Variants in CDK13 observed in about 807,000 individuals in gnomAD.
The protein encoded by CDK13 is cyclin dependent kinase 13.
In CDK13, 40 loss-of-function variants were observed where a neutral mutation model predicts 137.6. The observed-to-expected ratio is 0.29, with a 90% CI of 0.23 to 0.38. The LOEUF (loss-of-function observed/expected upper bound fraction) is 0.38, where lower values mean the gene tolerates loss of function less well. Among genes scored for constraint, CDK13 ranks in the 10% least tolerant of loss-of-function variants. The pLI, the probability that CDK13 is intolerant of heterozygous loss-of-function variation, is 1.00. For missense variants in CDK13, 1,704 were observed against 1,951.8 expected (o/e 0.87, Z 2.39); for synonymous variants, 869 against 760.1 (o/e 1.14, Z -2.36).
At chr7:40,055,572 AT>A (rs1202058166) in intron 7 of CDK13, among the ~76,000 whole-genome samples, 11,061 of 128,584 alleles carry the variant, frequency 0.086, 475 homozygotes, top group African/African-American at 0.17. Flanking sequence ...AGGATTCTGG[AT>A]TTTTTTTTTT....
intron 9 of CDK13, chr7:40,070,147 G>A (rs1172631295): frequency 6.6e-6 from 1 of 151,888 alleles, no homozygotes; most frequent in East Asian, 1.9e-4. Flanking sequence ...GGCTGAGGCA[G>A]GAGAATGGCA....
chr7:39,996,123 T>A (rs951858557), intron 2 of CDK13, among the ~76,000 whole-genome samples: 1 of 152,230 alleles, frequency 6.6e-6, no homozygotes. Context: ...TAAGTCGTTT[T>A]TATCAGATGG....
Position 40,078,869 on chromosome 7 carries a change from CTATTATTATTATA to C in CDK13, c.3029+33_3029+45del, listed in dbSNP as rs555575926. The C allele has an allele frequency of 1.1e-4, 129 of 1,146,904 alleles. 1 individual carries two copies. The South Asian group carries it at 2.9e-3, about 26-fold the overall frequency. 71.0% of individuals were successfully genotyped at this position (1,146,904 alleles called of 1,614,324 possible). ...CCACCAGAGTAAGTGACTTTTTATC[CTATTATTATTATA>C]TATTATTATTATATTTATTATATTA... On this transcript the variant is annotated intron_variant, in intron 11 of 13. Transcript: ENST00000181839.
intron 1 of CDK13, among the ~76,000 whole-genome samples, chr7:39,976,054 T>A (rs1195134329): frequency 1.3e-5 from 2 of 151,950 alleles, no homozygotes; most frequent in East Asian, 3.9e-4. Context: ...TCCCAGCACT[T>A]TGGGAGGCCG....
chr7:40,096,223 T>C lies in CDK13; in HGVS notation c.*1243T>C, dbSNP rs559560595. 1 of 152,304 alleles carries C rather than the reference T, an allele frequency of 6.6e-6. No individual in the cohort carries two copies. The highest frequency in any genetic ancestry group is 1.9e-4 in the East Asian group (1 of 5,186). The allele number at this position is 152,304 out of a possible 1,614,324, so 9.4% of individuals were successfully genotyped here. A position where few individuals can be genotyped will look rare whatever the true frequency, so the allele number is the denominator to read the frequency against. On this transcript the variant is annotated 3_prime_UTR_variant, in exon 14 of 14. Transcript: ENST00000181839. ...TGTTAACTAGAAACATTGCTTAGAT[T>C]GAATTTATTGAAGCAAAAAGAAAAG...
intron 5 of CDK13, among the ~76,000 whole-genome samples, chr7:40,027,924 G>A (rs576531014): frequency 6.6e-6 from 1 of 152,066 alleles, no homozygotes; most frequent in Non-Finnish European, 1.5e-5. Context: ...GAGAAGGAAC[G>A]TAGGCCCTTG....
chr7:40,013,913 A>G (rs1784949059), intron 5 of CDK13, among the ~76,000 whole-genome samples: 1 of 152,128 alleles, frequency 6.6e-6, no homozygotes, highest in South Asian at 2.1e-4. Context: ...AAGGTGCTAG[A>G]CGTTTGAATA....
Position 40,095,770 on chromosome 7 carries a change from CTG to C in CDK13, c.*791_*792del, listed in dbSNP as rs1401995512. On this transcript the variant is annotated 3_prime_UTR_variant, in exon 14 of 14. Transcript: ENST00000181839. ...CAATGCATTAAAAAGGCAAGAAACT[CTG>C]AAGTTTCAGGGGCTGCCTGTTCAGT... The C allele has an allele frequency of 1.3e-5, 2 of 152,136 alleles. No homozygotes were observed. Among genetic ancestry groups the C allele is most frequent in the Non-Finnish European group, 2.9e-5 (2 of 68,018 alleles). 9.4% of individuals were successfully genotyped at this position (152,136 alleles called of 1,614,324 possible). A position where few individuals can be genotyped will look rare whatever the true frequency, so the allele number is the denominator to read the frequency against.
rs891938403 is a variant in CDK13 at position 40,098,212 on chromosome 7, T to C, written c.*3232T>C. On this transcript the variant is annotated 3_prime_UTR_variant, in exon 14 of 14. Transcript: ENST00000181839. ...AAATTTTAAGTTGAATCTGGTCAGT[T>C]TGCAATGGCCTATTTGTAAGAAATA... 6.6e-6 allele frequency: 1 copy of C among 152,096 alleles called. No homozygotes were observed. Among genetic ancestry groups the C allele is most frequent in the Non-Finnish European group, 1.5e-5 (1 of 67,970 alleles). The allele number at this position is 152,096 out of a possible 1,614,324, so 9.4% of individuals were successfully genotyped here.
chr7:39,961,882 C>G (rs193249963), intron 1 of CDK13, among the ~76,000 whole-genome samples: 1 of 151,940 alleles, frequency 6.6e-6, no homozygotes, highest in South Asian at 2.1e-4. Flanking sequence ...TGAGAACATG[C>G]GGTGTTTGGT....
At chr7:40,003,746 C>G (rs942449595) in intron 5 of CDK13, among the ~76,000 whole-genome samples, 15 of 152,156 alleles carry the variant, frequency 9.9e-5, no homozygotes, top group African/African-American at 3.4e-4. Flanking sequence ...CTGCCTACTT[C>G]TCCAATCCCA....
intron 2 of CDK13, among the ~76,000 whole-genome samples, chr7:39,990,973 T>G (rs1324848251): frequency 6.6e-6 from 1 of 152,228 alleles, no homozygotes; most frequent in Non-Finnish European, 1.5e-5. Flanking sequence ...TATAAACCAT[T>G]ATATGTGTAA....
intron 7 of CDK13, among the ~76,000 whole-genome samples, chr7:40,049,398 T>G (rs1200210974): frequency 6.8e-6 from 1 of 147,922 alleles, no homozygotes; most frequent in Non-Finnish European, 1.5e-5. Context: ...AGGAAAGGGT[T>G]GTATGAGTGT....
intron 5 of CDK13, among the ~76,000 whole-genome samples, chr7:40,031,430 G>A (rs1785376492): frequency 6.6e-6 from 1 of 152,060 alleles, no homozygotes; most frequent in Non-Finnish European, 1.5e-5. Context: ...GCTGAGGCAG[G>A]AGATTTGCTT....
At chr7:40,057,783 T>A (rs879361278) in intron 7 of CDK13, among the ~76,000 whole-genome samples, 2 of 152,090 alleles carry the variant, frequency 1.3e-5, no homozygotes, top group Admixed American at 6.5e-5. Context: ...TGGGAAAAAA[T>A]TGGTTTTGTT....
chr7:40,057,573 A>G (rs1786048420), intron 7 of CDK13, among the ~76,000 whole-genome samples: 1 of 152,192 alleles, frequency 6.6e-6, no homozygotes, highest in Non-Finnish European at 1.5e-5. Context: ...GCTGCCATAG[A>G]AGGGAGGAGT....
chr7:40,064,957 ATTTTTTTTTTTTTTTTTTTTTT>A (rs56710188), intron 9 of CDK13, among the ~76,000 whole-genome samples: 2 of 46,102 alleles, frequency 4.3e-5, no homozygotes, highest in African/African-American at 7.6e-5. Flanking sequence ...ATGCTGGGTG[ATTTTTTTTTTTTTTTTTTTTTT>A]TTTTTTTTTT....
At chr7:40,001,617 AC>A (rs745865763) in intron 4 of CDK13, among the ~76,000 whole-genome samples, 2 of 152,060 alleles carry the variant, frequency 1.3e-5, no homozygotes, top group Admixed American at 6.6e-5. Flanking sequence ...ATTTGGACTT[AC>A]CTCATTCTTT....
chr7:40,032,964 A>G (rs1785411021), intron 5 of CDK13, among the ~76,000 whole-genome samples: 1 of 152,252 alleles, frequency 6.6e-6, no homozygotes, highest in Non-Finnish European at 1.5e-5. Flanking sequence ...CTTTAAATGC[A>G]TACAGCAAGT....
Sources: gnomAD v4.1 joint callset for allele counts (sites outside exome capture counted in the v4.1 genomes callset) on GRCh38, gnomAD v4.1.1 for gene constraint, MANE v1.5 for transcripts, NCBI Gene and HGNC (gene_info 2026-07-23, HGNC 2026-07-21) for gene names.